KAT14: variants seen among roughly 807,000 people sequenced by gnomAD.
KAT14 encodes the protein cysteine-rich protein 2-binding protein.
In KAT14, 66 loss-of-function variants were observed where a neutral mutation model predicts 78.4. The ratio of observed to expected loss-of-function variants is 0.84; its 90% CI spans 0.69 to 1.03. KAT14 has a LOEUF of 1.03. KAT14 is among the 50% of genes least tolerant of loss of function. KAT14 has a pLI of 0.00. For missense variants in KAT14, 870 were observed against 972.5 expected (o/e 0.89, Z 1.40); for synonymous variants, 344 against 359.4 (o/e 0.96, Z 0.48).
chr20:18,141,051 T>TTTTTTTTTTTTTTCTTTTTTG (rs58888387), intron 1 of KAT14, among the ~76,000 whole-genome samples: 1 of 109,704 alleles, frequency 9.1e-6, no homozygotes, highest in Non-Finnish European at 1.8e-5. Context: ...TTTTTTATTT[T>TTTTTTTTTTTTTTCTTTTTTG]TATTTTTGCT....
intron 7 of KAT14, among the ~76,000 whole-genome samples, chr20:18,172,392 G>A (rs1167243219): frequency 6.8e-6 from 1 of 147,034 alleles, no homozygotes; most frequent in Non-Finnish European, 1.5e-5. Context: ...GAGCCACTAC[G>A]CCTGGCCACT....
intron 4 of KAT14, 118 bp from the exon 5 acceptor site, chr20:18,158,966 C>A: frequency 7.8e-7 from 1 of 1,274,770 alleles, no homozygotes; most frequent in Non-Finnish European, 1.0e-6. Flanking sequence ...TGCTCTGCTC[C>A]TTCAGTAGCT....
chr20:18,175,337 C>T (rs1337371679), intron 7 of KAT14, among the ~76,000 whole-genome samples: 1 of 152,182 alleles, frequency 6.6e-6, no homozygotes, highest in Non-Finnish European at 1.5e-5. Flanking sequence ...GCGTTACCTT[C>T]CAGCCAATAC....
At chr20:18,138,260 C>T in intron 1 of KAT14, 6 of 1,233,382 alleles carry the variant, frequency 4.9e-6, no homozygotes, top group Non-Finnish European at 6.1e-6. Context: ...GTGTGCAGCC[C>T]GCAGATTCAG....
rs756217151 is a variant in KAT14 at position 18,162,372 on chromosome 20, C to T, written c.1100-5C>T. On this transcript the variant is annotated splice_region_variant and splice_polypyrimidine_tract_variant and intron_variant, in intron 6 of 10. Coordinates refer to ENST00000688188, the MANE Select transcript of KAT14 (RefSeq NM_001392073.1). ...CTTGATGACACTGTTTTGTACTCTG[C>T]ACAGATGACGATGAGATGGAAGGCG... The T allele has an allele frequency of 3.1e-6, 5 of 1,610,110 alleles. No individual in the cohort carries two copies. The South Asian group carries it at 5.5e-5, about 18-fold the overall frequency.
At position 18,141,876 on chromosome 20, in the gene KAT14, A is replaced by G. The variant is rs1220545253; in HGVS notation, c.-453-332A>G. Among the ~76,000 whole-genome samples, 3 of 151,732 alleles carry G rather than the reference A, an allele frequency of 2.0e-5. No homozygotes were observed. The East Asian group carries it at 5.8e-4, about 29-fold the overall frequency. ...ACTCCAGCCTGGGCGACAGAGCGAGACTCTTGTCTCAAAAAATAAATAAAA... is the reference window on the plus strand; with the variant it reads ...ACTCCAGCCTGGGCGACAGAGCGAGGCTCTTGTCTCAAAAAATAAATAAAA... On this transcript the variant is annotated intron_variant, in intron 1 of 10. Transcript: ENST00000688188.
chr20:18,175,347 C>T (rs369551699), intron 7 of KAT14, among the ~76,000 whole-genome samples: 7 of 152,150 alleles, frequency 4.6e-5, no homozygotes, highest in South Asian at 2.1e-4. Context: ...CCAGCCAATA[C>T]GTGGCTGGCA....
rs745851347 is a variant in KAT14 at position 18,139,476 on chromosome 20, A to C, written c.-454+1425A>C. On this transcript the variant is annotated intron_variant, in intron 1 of 10. Coordinates refer to ENST00000688188, the MANE Select transcript of KAT14 (RefSeq NM_001392073.1). ...ACAATGTGACTAAGGCTTGGTCCCC[A>C]CCCCAGACCATTTAAACCAGAATCT... 1.1e-3 allele frequency among the ~76,000 whole-genome samples: 170 copies of C among 152,102 alleles called. 1 individual carries two copies. The highest frequency in any genetic ancestry group is 2.1e-3 in the Non-Finnish European group (144 of 68,004).
At position 18,179,176 on chromosome 20, in the gene KAT14, C is replaced by G. The variant is rs528602583; in HGVS notation, c.1669-2534C>G. On this transcript the variant is annotated intron_variant, in intron 7 of 10. Transcript: ENST00000688188. ...CTGTGGCTTTGCAGGGTATAGCCCCCCTCCTGGCTGCTTTCATGGGCTGGC... is the reference window on the plus strand; with the variant it reads ...CTGTGGCTTTGCAGGGTATAGCCCCGCTCCTGGCTGCTTTCATGGGCTGGC... 2.1e-3 allele frequency among the ~76,000 whole-genome samples: 322 copies of G among 152,342 alleles called. 2 individuals carry two copies. The highest frequency in any genetic ancestry group is 7.2e-3 in the African/African-American group (300 of 41,586).
intron 1 of KAT14, among the ~76,000 whole-genome samples, chr20:18,139,632 A>AGGTGTG (rs1203664163): frequency 1.7e-3 from 172 of 99,854 alleles, no homozygotes; most frequent in Middle Eastern, 9.3e-3. Context: ...AACCAAAATA[A>AGGTGTG]CGTGTGTGTG....
At position 18,142,388 on chromosome 20, in the gene KAT14, A is replaced by G. The variant is rs1275648891; in HGVS notation, c.-273A>G. ...ATGTGAAATATCTGTTGGACAGACA[A>G]CACGAGTTTGTGTGTGTGTGTTGAT... On this transcript the variant is annotated 5_prime_UTR_variant, in exon 2 of 11. Coordinates refer to ENST00000688188, the MANE Select transcript of KAT14 (RefSeq NM_001392073.1). 2.0e-6 allele frequency: 3 copies of G among 1,526,924 alleles called. No homozygotes were observed. The highest frequency in any genetic ancestry group is 2.6e-6 in the Non-Finnish European group (3 of 1,139,878). The allele number at this position is 1,526,924 out of a possible 1,614,324, so 94.6% of individuals were successfully genotyped here.
At chr20:18,174,536 T>A (rs980270341) in intron 7 of KAT14, among the ~76,000 whole-genome samples, 1 of 152,222 alleles carries the variant, frequency 6.6e-6, no homozygotes, top group Non-Finnish European at 1.5e-5. Context: ...TAGTATCTCA[T>A]TGCAGTTTTG....
intron 7 of KAT14, among the ~76,000 whole-genome samples, chr20:18,168,614 CTT>C (rs1358330795): frequency 1.6e-4 from 25 of 152,046 alleles, no homozygotes; most frequent in African/African-American, 2.2e-4. Flanking sequence ...AGAATTTTCT[CTT>C]TGTTTTTTAT....
intron 3 of KAT14, 95 bp from the exon 4 acceptor site, chr20:18,150,726 T>C (rs2038002108): frequency 1.3e-6 from 2 of 1,566,840 alleles, no homozygotes; most frequent in African/African-American, 1.4e-5. Flanking sequence ...CCACCATTCC[T>C]ACTCAGAATA....
Position 18,162,900 on chromosome 20 carries a change from GTACAGAACCACC to G in KAT14, c.1625_1636del (p.Tyr542_Thr545del), listed in dbSNP as rs747445331. ...CCAGACTTCCAGCTGGACAAGCCAC[GTACAGAACCACC>G]TGTCAGGACTTCAGAATCCTTGACC... is the stretch of plus-strand genomic sequence containing the variant. On this transcript the variant is annotated inframe_deletion, in exon 7 of 11. Coordinates refer to ENST00000688188, the MANE Select transcript of KAT14 (RefSeq NM_001392073.1). The G allele has an allele frequency of 6.2e-7, 1 of 1,614,170 alleles. No homozygotes were observed. Among genetic ancestry groups the G allele is most frequent in the South Asian group, 1.1e-5 (1 of 91,080 alleles).
At chr20:18,154,959 C>T (rs1356467401) in intron 4 of KAT14, among the ~76,000 whole-genome samples, 2 of 152,204 alleles carry the variant, frequency 1.3e-5, no homozygotes, top group Non-Finnish European at 2.9e-5. Flanking sequence ...GGCAATTATT[C>T]AGTAATAACT....
At chr20:18,179,274 G>A (rs1205211) in intron 7 of KAT14, among the ~76,000 whole-genome samples, 19,358 of 152,164 alleles carry the variant, frequency 0.13, 1,815 homozygotes, top group East Asian at 0.51. Flanking sequence ...TCTGAAGGAC[G>A]GTGGCCCTCT....
At chr20:18,147,256 G>A (rs2037862828) in intron 3 of KAT14, among the ~76,000 whole-genome samples, 1 of 152,156 alleles carries the variant, frequency 6.6e-6, no homozygotes, top group African/African-American at 2.4e-5. Flanking sequence ...AAAAATGTAA[G>A]TAGAAAATGA....
chr20:18,181,577 G>T (rs1457892987), intron 7 of KAT14, 133 bp from the exon 8 acceptor site: 10 of 1,362,084 alleles, frequency 7.3e-6, no homozygotes, highest in African/African-American at 2.9e-5. Flanking sequence ...TACCGTGTTA[G>T]CCAGGATGAT....
Sources: allele counts gnomAD v4.1 joint callset (sites outside exome capture counted in the v4.1 genomes callset), GRCh38; gene constraint gnomAD v4.1.1; transcripts MANE v1.5; gene names NCBI Gene and HGNC (gene_info 2026-07-23, HGNC 2026-07-21).